The following TARBP1 variants were observed in gnomAD, a reference collection of about 807,000 sequenced individuals.
TARBP1 encodes the protein tRNA guanosine 2 -O-methyltransferase TARBP1.
Under a neutral mutation model 178.6 loss-of-function variants are expected in TARBP1, and 144 were observed. That is an observed-to-expected ratio of 0.81 (90% CI 0.70 to 0.93). The LOEUF (loss-of-function observed/expected upper bound fraction) is 0.93, where lower values mean the gene tolerates loss of function less well. Among genes scored for constraint, TARBP1 ranks in the 40% least tolerant of loss-of-function variants. The pLI, the probability that TARBP1 is intolerant of heterozygous loss-of-function variation, is 0.00. For synonymous variants in TARBP1, 787 were observed against 781.0 expected (o/e 1.01, Z -0.13); for missense variants, 2,067 against 2,011.7 (o/e 1.03, Z -0.53).
At chr1:234,394,702 G>A (rs1572188962) in intron 26 of TARBP1, among the ~76,000 whole-genome samples, 1 of 152,260 alleles carries the variant, frequency 6.6e-6, no homozygotes, top group African/African-American at 2.4e-5. Flanking sequence ...AAGCAACATG[G>A]TTCAGACAGC....
chr1:234,429,517 T>C lies in TARBP1; in HGVS notation c.2770A>G (p.Met924Val), dbSNP rs748654421. The change falls in exon 16 of 30, where the codon ATG becomes GTG. Residue 924 changes from methionine (M) to valine (V), a missense_variant. Coordinates refer to ENST00000040877, the MANE Select transcript of TARBP1 (RefSeq NM_005646.4). ...ILEPFLPAVQ[M>V]PIRTLQSALE... ...GCAGACTGCAAAGTCCTTATTGGCA[T>C]CTGAACGGCAGGTAGAAACGGTTCC... is the stretch of plus-strand genomic sequence containing the variant. 5.0e-6 allele frequency: 8 copies of C among 1,614,212 alleles called. No homozygotes were observed. The East Asian group carries it at 1.8e-4, about 36-fold the overall frequency.
At chr1:234,425,466 T>C (rs1484235868) in intron 20 of TARBP1, among the ~76,000 whole-genome samples, 5 of 152,204 alleles carry the variant, frequency 3.3e-5, no homozygotes, top group Non-Finnish European at 1.5e-5. Flanking sequence ...GCAATTCTGC[T>C]GCCTCAGCCT....
intron 25 of TARBP1, among the ~76,000 whole-genome samples, chr1:234,399,866 T>C (rs542792955): frequency 1.1e-4 from 12 of 112,188 alleles, no homozygotes; most frequent in South Asian, 9.6e-4. Flanking sequence ...AGGGGAACAT[T>C]ACACTCTGGG....
intron 9 of TARBP1, among the ~76,000 whole-genome samples, chr1:234,453,384 C>G (rs1441410719): frequency 6.8e-6 from 1 of 147,794 alleles, no homozygotes; most frequent in Admixed American, 6.8e-5. Flanking sequence ...GAGACAGGGT[C>G]TCGCTATGTT....
intron 10 of TARBP1, 54 bp from the exon 11 acceptor site, chr1:234,448,633 G>A (rs1666426202): frequency 7.0e-7 from 1 of 1,426,708 alleles, no homozygotes; most frequent in Non-Finnish European, 9.8e-7. Context: ...CTTCAAGGAT[G>A]ATGCTTCAAA....
chr1:234,433,576 G>A lies in TARBP1; in HGVS notation c.2233-5C>T, dbSNP rs775679020. 4 of 1,607,106 alleles carry A rather than the reference G, an allele frequency of 2.5e-6. 1 individual carries two copies. In the South Asian group the frequency reaches 4.4e-5, roughly 18 times the overall value. Reference sequence around the variant, plus strand: ...GCAACGATCCAGATCTGAAACCTAAGACAAGGATTAAAACACTTAAGGGTA... The same window carrying A: ...GCAACGATCCAGATCTGAAACCTAAAACAAGGATTAAAACACTTAAGGGTA... On this transcript the variant is annotated splice_polypyrimidine_tract_variant and splice_region_variant and intron_variant, in intron 13 of 29. Transcript: ENST00000040877.
intron 22 of TARBP1, among the ~76,000 whole-genome samples, chr1:234,416,097 C>A (rs1298248551): frequency 1.3e-5 from 2 of 152,146 alleles, no homozygotes; most frequent in Non-Finnish European, 2.9e-5. Flanking sequence ...GATGGGAGCA[C>A]CAGGAAGTTT....
At chr1:234,396,684 C>T (rs1023264620) in intron 26 of TARBP1, among the ~76,000 whole-genome samples, 1 of 151,502 alleles carries the variant, frequency 6.6e-6, no homozygotes, top group Admixed American at 6.6e-5. Context: ...AGAGGCCTGA[C>T]AAAAATTGCA....
intron 12 of TARBP1, among the ~76,000 whole-genome samples, chr1:234,437,961 G>A (rs1665202830): frequency 6.6e-6 from 1 of 152,200 alleles, no homozygotes; most frequent in African/African-American, 2.4e-5. Flanking sequence ...ATGCTAATCA[G>A]CACACCACAG....
chr1:234,444,704 A>C (rs1428393121), intron 12 of TARBP1, among the ~76,000 whole-genome samples: 2 of 150,046 alleles, frequency 1.3e-5, no homozygotes, highest in Non-Finnish European at 3.0e-5. Flanking sequence ...TAAAAAAAAA[A>C]CAGAATAAAT....
intron 24 of TARBP1, among the ~76,000 whole-genome samples, chr1:234,404,716 T>C (rs896559182): frequency 6.6e-6 from 1 of 152,204 alleles, no homozygotes. Context: ...CAGGAATCCA[T>C]TCCCGCCTCT....
intron 14 of TARBP1, among the ~76,000 whole-genome samples, chr1:234,430,971 T>G (rs1405050071): frequency 1.3e-5 from 2 of 152,202 alleles, no homozygotes; most frequent in Non-Finnish European, 2.9e-5. Context: ...AATGGGTTAC[T>G]GCATGTAAAA....
rs1666201703 is a variant in TARBP1 at position 234,446,659 on chromosome 1, TTATA to T, written c.2134+140_2134+143del. The T allele has an allele frequency of 1.6e-5, 5 of 314,696 alleles. No homozygotes were observed. The South Asian group carries it at 6.7e-4, about 42-fold the overall frequency. 19.5% of individuals were successfully genotyped at this position (314,696 alleles called of 1,614,324 possible). On this transcript the variant is annotated intron_variant, in intron 12 of 29. Transcript: ENST00000040877. ...AATTATATAATTTCTTAATATATAA[TTATA>T]TAATTTCTTAAATATATATAATTTC...
rs913982016 is a variant in TARBP1, at chr1:234,438,541, G to A, written c.2135-1169C>T. 3.9e-5 allele frequency among the ~76,000 whole-genome samples: 6 copies of A among 152,296 alleles called. No individual in the cohort carries two copies. The South Asian group carries it at 6.2e-4, about 16-fold the overall frequency. ...ATGGGATGAATAACAAAGGAGGTGC[G>A]AGAGGAGTCAGAACTTGAAAACAGA... is the stretch of plus-strand genomic sequence containing the variant. On this transcript the variant is annotated intron_variant, in intron 12 of 29. Transcript: ENST00000040877.
At position 234,430,144 on chromosome 1, in the gene TARBP1, A is replaced by C. The variant is rs747763271; in HGVS notation, c.2552T>G (p.Leu851Arg). The C allele has an allele frequency of 3.7e-6, 6 of 1,614,188 alleles. No individual in the cohort carries two copies. The highest frequency in any genetic ancestry group is 1.6e-4 in the Middle Eastern group (1 of 6,062). ...FLSSLQLNQT[L>R]QKPHAEEQSS... ...CTGCTCCTCTGCGTGGGGCTTCTGC[A>C]GCGTCTGATTGAGCTGAAGAGAGGA... The change falls in exon 15 of 30, where the codon CTG becomes CGG. Residue 851 changes from leucine (L) to arginine (R), a missense_variant. Transcript: ENST00000040877.
intron 11 of TARBP1, among the ~76,000 whole-genome samples, chr1:234,447,394 C>CT (rs36066908): frequency 0.17 from 17,806 of 104,530 alleles, 2,041 homozygotes; most frequent in Non-Finnish European, 0.21. Context: ...TGTTAACCAA[C>CT]TTTTTTTTTT....
chr1:234,393,632 A>C lies in TARBP1; in HGVS notation c.4435+14T>G, dbSNP rs779623766. 2.5e-6 allele frequency: 4 copies of C among 1,594,002 alleles called. No individual in the cohort carries two copies. Among genetic ancestry groups the C allele is most frequent in the Non-Finnish European group, 2.6e-6 (3 of 1,167,304 alleles). ...AAGCTTTCAGGCAAAGCTCCCAGAAAACTCCAACTTTACCTCCTAAATTGG... is the reference window on the plus strand; with the variant it reads ...AAGCTTTCAGGCAAAGCTCCCAGAACACTCCAACTTTACCTCCTAAATTGG... On this transcript the variant is annotated intron_variant, in intron 27 of 29. Transcript: ENST00000040877.
In TARBP1 at chr1:234,440,962, T is replaced by C. The variant is rs146354851; in HGVS notation, c.2135-3590A>G. ...ACTCTGGGAGGCTTAGGTGGGCAGA[T>C]CGCCTGAGGTCAGGAGTTTGAGACC... is the stretch of plus-strand genomic sequence containing the variant. On this transcript the variant is annotated intron_variant, in intron 12 of 29. Coordinates refer to ENST00000040877, the MANE Select transcript of TARBP1 (RefSeq NM_005646.4). Among the ~76,000 whole-genome samples the C allele has an allele frequency of 3.0e-3, 460 of 152,266 alleles. 2 individuals carry two copies. Among genetic ancestry groups the C allele is most frequent in the African/African-American group, 0.011 (444 of 41,562 alleles).
chr1:234,465,298 T>C (rs984316314), intron 5 of TARBP1, among the ~76,000 whole-genome samples: 2 of 152,090 alleles, frequency 1.3e-5, no homozygotes, highest in Non-Finnish European at 2.9e-5. Flanking sequence ...TAAAACTAAG[T>C]TAAAAGAAAA....
Sources: allele counts gnomAD v4.1 joint callset (sites outside exome capture counted in the v4.1 genomes callset), GRCh38; gene constraint gnomAD v4.1.1; transcripts MANE v1.5; gene names NCBI Gene and HGNC (gene_info 2026-07-23, HGNC 2026-07-21).